The following PTPRU variants were observed in gnomAD, a reference collection of about 807,000 sequenced individuals.
PTPRU encodes the protein receptor-type tyrosine-protein phosphatase U.
A neutral mutation model predicts 166.3 loss-of-function variants in PTPRU; 69 were observed. The observed-to-expected ratio is 0.41, with a 90% confidence interval of 0.34 to 0.51. PTPRU has a LOEUF of 0.51. Among genes scored for constraint, PTPRU ranks in the 20% least tolerant of loss-of-function variants. PTPRU has a pLI of 0.09. For synonymous variants in PTPRU, 793 were observed against 814.0 expected, an observed-to-expected ratio of 0.97 and a Z score of 0.44; for missense variants, 1,657 against 2,013.7, an observed-to-expected ratio of 0.82 and a Z score of 3.39.
At chr1:29,282,214 T>A (rs1686110994) in intron 11 of PTPRU, among the ~76,000 whole-genome samples, 1 of 152,086 alleles carries the variant, frequency 6.6e-6, no homozygotes, top group South Asian at 2.1e-4. Flanking sequence ...TCTTTCTGAA[T>A]GAATGAATGA....
Position 29,315,640 on chromosome 1 carries a change from C to A in PTPRU, c.3363+133C>A. 7.5e-7 allele frequency: 1 copy of A among 1,327,866 alleles called. No homozygotes were observed. The allele number at this position is 1,327,866 out of a possible 1,614,324, so 82.3% of individuals were successfully genotyped here. ...TGCCTTCCCTCAGATCATCCCTGAC[C>A]TTGGGCCGCCAACTGCATAGGGTCA... On this transcript the variant is annotated intron_variant, in intron 23 of 29. Coordinates refer to ENST00000373779, the MANE Select transcript of PTPRU (RefSeq NM_133178.4). This position sits in a 1 kb window ranked among gnomAD's most constrained non-coding sequence, Gnocchi z 4.5.
intron 1 of PTPRU, among the ~76,000 whole-genome samples, chr1:29,243,359 C>T (rs1002071351): frequency 2.0e-5 from 3 of 152,226 alleles, no homozygotes; most frequent in African/African-American, 7.2e-5. Flanking sequence ...CATGACCAGC[C>T]CTTTCTTTCT....
Position 29,291,873 on chromosome 1 carries a change from C to T in PTPRU, c.2323C>T (p.Pro775Ser). ...CCCCTCAACCCCCCTCTCCAGGAAG[C>T]CGGTGAACATGACCAAGGCCACCGT... ...AIIVIIRKGK[P>S]VNMTKATVNY... The change falls in exon 15 of 30, where the codon CCG (proline) becomes TCG (serine). Residue 775 changes from proline to serine, a missense_variant. Coordinates refer to ENST00000373779, the MANE Select transcript of PTPRU (RefSeq NM_133178.4). The surrounding 1 kb of genome is among the most constrained non-coding windows in gnomAD (Gnocchi z 4.1). 6.2e-7 allele frequency: 1 copy of T among 1,613,782 alleles called. No homozygotes were observed. The highest frequency in any genetic ancestry group is 8.5e-7 in the Non-Finnish European group (1 of 1,179,854).
rs748033395 is a variant in PTPRU at position 29,257,070 on chromosome 1, C to T, written c.206-1435C>T. On this transcript the variant is annotated intron_variant, in intron 2 of 29. Coordinates refer to ENST00000373779, the MANE Select transcript of PTPRU (RefSeq NM_133178.4). The surrounding 1 kb of genome is among the most constrained non-coding windows in gnomAD (Gnocchi z 4.6). ...GAGATGGAGAGAGGAGAAGGAAGAG[C>T]GACAGGGACAAAGGGAGTAAATGAA... 6.6e-6 allele frequency among the ~76,000 whole-genome samples: 1 copy of T among 151,642 alleles called. No individual in the cohort carries two copies. The highest frequency in any genetic ancestry group is 6.6e-5 in the Admixed American group (1 of 15,244).
In PTPRU at chr1:29,317,757, T is replaced by A; in HGVS notation, c.3523T>A (p.Ser1175Thr). 1 of 1,608,448 alleles carries A rather than the reference T, an allele frequency of 6.2e-7. No homozygotes were observed. The highest frequency in any genetic ancestry group is 8.5e-7 in the Non-Finnish European group (1 of 1,179,480). Residue 1175 changes from serine to threonine, a missense_variant, in exon 25 of 30, where the codon TCG becomes ACG. Transcript: ENST00000373779. This position sits in a 1 kb window ranked among gnomAD's most constrained non-coding sequence, Gnocchi z 5.6. ...QLREEFQTLN[S>T]VTPPLDVEEC... ...CCCCCGCTCCCTGTAGACGCTGAACTCGGTCACCCCGCCGCTGGACGTGGA... is the reference window on the plus strand; with the variant it reads ...CCCCCGCTCCCTGTAGACGCTGAACACGGTCACCCCGCCGCTGGACGTGGA...
intron 3 of PTPRU, 114 bp from the exon 4 acceptor site, chr1:29,259,147 G>C: frequency 8.5e-7 from 1 of 1,181,768 alleles, no homozygotes; most frequent in Admixed American, 2.3e-5. Context: ...GTGTGAGCTG[G>C]GCTGACCTCT....
chr1:29,252,689 A>G (rs1213511650), intron 1 of PTPRU, among the ~76,000 whole-genome samples: 1 of 152,212 alleles, frequency 6.6e-6, no homozygotes, highest in Non-Finnish European at 1.5e-5. Flanking sequence ...GAAGATGCCT[A>G]GCACTGGGCC....
chr1:29,282,987 G>C, intron 12 of PTPRU, 38 bp downstream of exon 12: 1 of 1,584,510 alleles, frequency 6.3e-7, no homozygotes, highest in South Asian at 1.1e-5. Flanking sequence ...GCGTGGTTGG[G>C]TGTGGGGGGA....
intron 18 of PTPRU, among the ~76,000 whole-genome samples, chr1:29,308,115 T>C (rs953888809): frequency 2.0e-5 from 3 of 151,914 alleles, no homozygotes; most frequent in African/African-American, 7.2e-5. Context: ...TATTCTCTAA[T>C]TTGATTTCTT....
chr1:29,325,757 A>C lies in PTPRU; in HGVS notation c.*96A>C. The C allele has an allele frequency of 7.7e-7, 1 of 1,305,618 alleles. No homozygotes were observed. Among genetic ancestry groups the C allele is most frequent in the Non-Finnish European group, 1.1e-6 (1 of 949,784 alleles). The allele number at this position is 1,305,618 out of a possible 1,614,324, so 80.9% of individuals were successfully genotyped here. A position where few individuals can be genotyped will look rare whatever the true frequency, so the allele number is the denominator to read the frequency against. On this transcript the variant is annotated 3_prime_UTR_variant, in exon 30 of 30. Coordinates refer to ENST00000373779, the MANE Select transcript of PTPRU (RefSeq NM_133178.4). Reference sequence around the variant, plus strand: ...TCAGTGCCTCCTGCTCTGCCCAAACACACTCCCATGGGGCAAGCACTGGAG... The same window carrying C: ...TCAGTGCCTCCTGCTCTGCCCAAACCCACTCCCATGGGGCAAGCACTGGAG...
chr1:29,245,603 G>C (rs931853659), intron 1 of PTPRU, among the ~76,000 whole-genome samples: 1 of 152,298 alleles, frequency 6.6e-6, no homozygotes, highest in East Asian at 1.9e-4. Context: ...GAGGGTGTGC[G>C]TTCTCCTGAG....
At chr1:29,319,707 G>A (rs1233103036) in intron 25 of PTPRU, among the ~76,000 whole-genome samples, 1 of 152,248 alleles carries the variant, frequency 6.6e-6, no homozygotes, top group Non-Finnish European at 1.5e-5. Context: ...ACAAAGGGCA[G>A]ATCAATATTT....
chr1:29,289,070 G>T lies in PTPRU; in HGVS notation c.2319-2799G>T, dbSNP rs1686495298. Among the ~76,000 whole-genome samples the T allele has an allele frequency of 2.1e-5, 3 of 143,686 alleles. No individual in the cohort carries two copies. In the South Asian group the frequency reaches 7.5e-4, roughly 36 times the overall value. The allele number at this position is 143,686 out of a possible 152,430, so 94.3% of individuals were successfully genotyped here. A position where few individuals can be genotyped will look rare whatever the true frequency, so the allele number is the denominator to read the frequency against. ...GTCCTCTCCATCCTGCCCCCTTTCT[G>T]TCCCCACCCAGGTGGAGGTGCAGGC... On this transcript the variant is annotated intron_variant, in intron 14 of 29. Coordinates refer to ENST00000373779, the MANE Select transcript of PTPRU (RefSeq NM_133178.4).
At chr1:29,310,620 G>A (rs1687609139) in intron 18 of PTPRU, 124 bp from the exon 19 acceptor site, 2 of 1,001,846 alleles carry the variant, frequency 2.0e-6, no homozygotes, top group Middle Eastern at 2.2e-4. Context: ...AGGTCCTAGG[G>A]ATGTGAGGGA....
rs558298123 is a variant in PTPRU, at chr1:29,310,229, C to T, written c.2821-515C>T. Among the ~76,000 whole-genome samples the T allele has an allele frequency of 3.3e-5, 5 of 152,230 alleles. No homozygotes were observed. The South Asian group carries it at 8.3e-4, about 25-fold the overall frequency. On this transcript the variant is annotated intron_variant, in intron 18 of 29. Coordinates refer to ENST00000373779, the MANE Select transcript of PTPRU (RefSeq NM_133178.4). ...TGCCCATATACTTCCATCCTGAAGC[C>T]CTCATCTAGGCCCCCCACGCTCTGA... is the stretch of plus-strand genomic sequence containing the variant.
intron 15 of PTPRU, among the ~76,000 whole-genome samples, chr1:29,292,777 C>G (rs753165172): frequency 6.6e-6 from 1 of 151,570 alleles, no homozygotes; most frequent in African/African-American, 2.4e-5. Flanking sequence ...TATCCCCTAC[C>G]TCTTTCTTAG....
At chr1:29,267,739 A>G (rs1265422023) in intron 7 of PTPRU, among the ~76,000 whole-genome samples, 9 of 152,154 alleles carry the variant, frequency 5.9e-5, no homozygotes, top group African/African-American at 2.2e-4. Context: ...GCCACTGAAG[A>G]GTTTAGAGAG....
At chr1:29,323,320 G>A in intron 26 of PTPRU, 51 bp from the exon 27 acceptor site, 2 of 1,580,466 alleles carry the variant, frequency 1.3e-6, no homozygotes, top group Non-Finnish European at 1.7e-6. Flanking sequence ...GCTGTGGGGT[G>A]AGCCCCGGCC....
At position 29,259,999 on chromosome 1, in the gene PTPRU, C is replaced by A; in HGVS notation, c.805C>A (p.Pro269Thr). The A allele has an allele frequency of 1.3e-6, 2 of 1,502,296 alleles. No individual in the cohort carries two copies. The highest frequency in any genetic ancestry group is 2.6e-5 in the East Asian group (1 of 38,408). 93.1% of individuals were successfully genotyped at this position (1,502,296 alleles called of 1,614,324 possible). A position where few individuals can be genotyped will look rare whatever the true frequency, so the allele number is the denominator to read the frequency against. ...CCTGTACCGCTGTGTGTCCCAGGCC[C>A]CGCGCGGCGCGGGCGTCTCTAACTT... ...QDLYRCVSQA[P>T]RGAGVSNFAE... The change falls in exon 6 of 30, where the codon CCG becomes ACG. Residue 269 changes from proline (P) to threonine (T), a missense_variant. Pro to Thr is a conservative substitution (Grantham distance 38). Around this residue, in one of 3 missense-constraint regions of PTPRU, gnomAD observed 453 missense variants for 496.9 expected, o/e 0.91. Transcript: ENST00000373779.
Sources: allele counts gnomAD v4.1 joint callset (sites outside exome capture counted in the v4.1 genomes callset), GRCh38; gene constraint gnomAD v4.1.1; regional missense constraint gnomAD v4.1.1; non-coding constraint Gnocchi (gnomAD v3.1); transcripts MANE v1.5; gene names NCBI Gene and HGNC (gene_info 2026-07-23, HGNC 2026-07-21).